The following ODF2L variants were observed in gnomAD, a reference collection of about 807,000 sequenced individuals.
The protein encoded by ODF2L is protein BCAP.
A neutral mutation model predicts 86.3 loss-of-function variants in ODF2L; 76 were observed. The ratio of observed to expected loss-of-function variants is 0.88; its 90% CI spans 0.73 to 1.07. ODF2L has a LOEUF of 1.07. Among genes scored for constraint, ODF2L ranks in the 50% least tolerant of loss-of-function variants. The pLI, the probability that ODF2L is intolerant of heterozygous loss-of-function variation, is 0.00. For synonymous variants in ODF2L, 241 were observed against 231.3 expected, an observed-to-expected ratio of 1.04 and a Z score of -0.38; for missense variants, 748 against 717.4, an observed-to-expected ratio of 1.04 and a Z score of -0.49.
chr1:86,383,933 A>G (rs1224303884), intron 4 of ODF2L, among the ~76,000 whole-genome samples: 2 of 151,762 alleles, frequency 1.3e-5, no homozygotes, highest in African/African-American at 4.8e-5. Flanking sequence ...ATTTTTCTAA[A>G]ACACCACGTA....
At chr1:86,382,176 G>T in intron 7 of ODF2L, 66 bp downstream of exon 7, 1 of 1,466,206 alleles carries the variant, frequency 6.8e-7, no homozygotes, top group Non-Finnish European at 9.0e-7. Context: ...AACTAAGGAA[G>T]GCTTTATGGC....
intron 11 of ODF2L, among the ~76,000 whole-genome samples, chr1:86,365,885 C>G (rs565439091): frequency 2.0e-5 from 3 of 152,252 alleles, no homozygotes; most frequent in South Asian, 4.1e-4. Context: ...CCCTCCACCC[C>G]CTGCTCACAC....
chr1:86,352,520 T>A (rs2100709417), intron 17 of ODF2L, among the ~76,000 whole-genome samples: 1 of 152,274 alleles, frequency 6.6e-6, no homozygotes, highest in Admixed American at 6.5e-5. Flanking sequence ...TAATAATAGT[T>A]TACACTGTGT....
chr1:86,395,408 TAC>T (rs1661664012), intron 1 of ODF2L, among the ~76,000 whole-genome samples: 1 of 152,134 alleles, frequency 6.6e-6, no homozygotes, highest in South Asian at 2.1e-4. Flanking sequence ...TGATTACTGT[TAC>T]AGTTATCAGT....
At chr1:86,354,837 A>T in exon 15 of ODF2L, 3 of 1,603,948 alleles carry the variant, frequency 1.9e-6, no homozygotes, top group Non-Finnish European at 2.6e-6. Flanking sequence ...AAGCTTTGTC[A>T]GAAGATTGTG....
At chr1:86,355,692 C>A (rs1212191549) in intron 14 of ODF2L, among the ~76,000 whole-genome samples, 1 of 152,100 alleles carries the variant, frequency 6.6e-6, no homozygotes, top group East Asian at 1.9e-4. Flanking sequence ...CACTCTCCAC[C>A]CTCTGAAAGG....
chr1:86,394,498 G>C (rs932409175), intron 1 of ODF2L, among the ~76,000 whole-genome samples: 2 of 151,532 alleles, frequency 1.3e-5, no homozygotes, highest in Non-Finnish European at 2.9e-5. Context: ...CCTTTATTCA[G>C]TCAGGTTTTA....
chr1:86,392,211 G>T (rs1047749378), intron 1 of ODF2L, among the ~76,000 whole-genome samples: 2 of 152,172 alleles, frequency 1.3e-5, no homozygotes, highest in Non-Finnish European at 2.9e-5. Flanking sequence ...GCAGTGAAAA[G>T]AGAACACTTC....
chr1:86,354,854 A>G, exon 15 of ODF2L: 1 of 1,587,094 alleles, frequency 6.3e-7, no homozygotes, highest in Non-Finnish European at 8.6e-7. Flanking sequence ...TGTGATTTCC[A>G]TCAACCTAAA....
exon 2 of ODF2L, chr1:86,387,019 C>A: frequency 6.5e-7 from 1 of 1,549,166 alleles, no homozygotes; most frequent in Admixed American, 1.9e-5. Flanking sequence ...CATTTACAGC[C>A]TTCTCCATAA....
chr1:86,363,180 A>AT (rs1439159467), intron 11 of ODF2L, among the ~76,000 whole-genome samples: 2 of 152,098 alleles, frequency 1.3e-5, no homozygotes, highest in Admixed American at 1.3e-4. Flanking sequence ...AGAAATGATG[A>AT]TTTTCCATTA....
Position 86,390,634 on chromosome 1 carries a change from G to C in ODF2L, c.-59-3548C>G, listed in dbSNP as rs28782251. ...AAAGCATTTGACAAAATCCAGCATC[G>C]CTTTATGATTAAAACCCCCAGCAAA... On this transcript the variant is annotated intron_variant, in intron 1 of 17. Transcript: ENST00000317336. 0.011 allele frequency among the ~76,000 whole-genome samples: 1,695 copies of C among 151,912 alleles called. 68 individuals are homozygous for C. In the East Asian group the frequency reaches 0.12, roughly 10 times the overall value.
chr1:86,391,047 A>T (rs1661289054), intron 1 of ODF2L, among the ~76,000 whole-genome samples: 1 of 152,246 alleles, frequency 6.6e-6, no homozygotes, highest in Non-Finnish European at 1.5e-5. Context: ...CCACGCTGAT[A>T]ATCAAATCAA....
At chr1:86,383,607 T>C (rs2101339313) in intron 4 of ODF2L, among the ~76,000 whole-genome samples, 1 of 151,936 alleles carries the variant, frequency 6.6e-6, no homozygotes, top group Admixed American at 6.6e-5. Flanking sequence ...CAGAATTCTA[T>C]ATAGCCATTT....
At chr1:86,378,583 G>T (rs911079967) in intron 7 of ODF2L, among the ~76,000 whole-genome samples, 2 of 152,162 alleles carry the variant, frequency 1.3e-5, no homozygotes, top group African/African-American at 4.8e-5. Flanking sequence ...GTTCCACATG[G>T]CTAGGGAGGC....
chr1:86,351,929 A>G (rs1457803535), exon 18 of ODF2L: 1 of 1,182,102 alleles, frequency 8.5e-7, no homozygotes, highest in African/African-American at 1.6e-5. Flanking sequence ...CACCTCATTT[A>G]TTTTTTCAGA....
intron 11 of ODF2L, among the ~76,000 whole-genome samples, chr1:86,366,763 A>C (rs1419263718): frequency 6.6e-6 from 1 of 152,168 alleles, no homozygotes; most frequent in Non-Finnish European, 1.5e-5. Flanking sequence ...GGATTAGGAG[A>C]TAAAAACCAA....
intron 14 of ODF2L, chr1:86,355,464 T>C: frequency 2.7e-6 from 2 of 752,670 alleles, no homozygotes; most frequent in Admixed American, 4.9e-5. Context: ...TAGGCTAATC[T>C]ATGTCGTTTG....
chr1:86,362,524 G>A (rs1303747590), intron 11 of ODF2L, among the ~76,000 whole-genome samples: 1 of 151,984 alleles, frequency 6.6e-6, no homozygotes, highest in East Asian at 1.9e-4. Context: ...CTTCTGAGCT[G>A]AGGCGATCCT....
Sources: gnomAD v4.1 joint callset for allele counts (sites outside exome capture counted in the v4.1 genomes callset) on GRCh38, gnomAD v4.1.1 for gene constraint, MANE v1.5 for transcripts, NCBI Gene and HGNC (gene_info 2026-07-23, HGNC 2026-07-21) for gene names.